JAKMIP3: variants seen among roughly 807,000 people sequenced by gnomAD.
JAKMIP3 encodes the protein janus kinase and microtubule-interacting protein 3.
Under a neutral mutation model 118.5 loss-of-function variants are expected in JAKMIP3, and 58 were observed. That is an observed-to-expected ratio of 0.49 (90% CI 0.40 to 0.61). The LOEUF (loss-of-function observed/expected upper bound fraction) is 0.61, where lower values mean the gene tolerates loss of function less well. Ranked by LOEUF, JAKMIP3 falls within the 20% of genes least tolerant of loss-of-function variation. The pLI is 0.00. For missense variants in JAKMIP3, 950 were observed against 1,109.0 expected (o/e 0.86, Z 2.04); for synonymous variants, 486 against 451.2 (o/e 1.08, Z -0.98).
chr10:132,066,508 T>A (rs953978797), intron 1 of JAKMIP3, among the ~76,000 whole-genome samples: 1 of 152,204 alleles, frequency 6.6e-6, no homozygotes, highest in African/African-American at 2.4e-5. Context: ...TCCGGGTGCT[T>A]CCTGGCTCCG....
intron 9 of JAKMIP3, among the ~76,000 whole-genome samples, chr10:132,139,130 GTGTGCATGTGTATGTGAGTA>G (rs2052579776): frequency 6.6e-6 from 1 of 151,802 alleles, no homozygotes; most frequent in African/African-American, 2.4e-5. Context: ...ATCTGTGTGT[GTGTGCATGTGTATGTGAGTA>G]TGAGTGTGTA....
chr10:132,150,223 C>G (rs933906957), intron 16 of JAKMIP3, among the ~76,000 whole-genome samples, 182 bp downstream of exon 16: 3 of 151,848 alleles, frequency 2.0e-5, no homozygotes, highest in Non-Finnish European at 4.4e-5. Flanking sequence ...CTCCAGGGCC[C>G]ACTGGGGCCT....
intron 20 of JAKMIP3, 28 bp downstream of exon 20, chr10:132,163,440 C>T (rs761607331): frequency 1.1e-4 from 168 of 1,565,288 alleles, no homozygotes; most frequent in Middle Eastern, 2.3e-4. Flanking sequence ...GCAGGGCTGG[C>T]GTGAAGACCT....
At position 132,168,013 on chromosome 10, in the gene JAKMIP3, C is replaced by G. The variant is rs142883148; in HGVS notation, c.*83C>G. 7.8e-7 allele frequency: 1 copy of G among 1,289,608 alleles called. No homozygotes were observed. The highest frequency in any genetic ancestry group is 1.0e-6 in the Non-Finnish European group (1 of 988,848). The allele number at this position is 1,289,608 out of a possible 1,614,324, so 79.9% of individuals were successfully genotyped here. A position where few individuals can be genotyped will look rare whatever the true frequency, so the allele number is the denominator to read the frequency against. On this transcript the variant is annotated 3_prime_UTR_variant, in exon 23 of 24. Transcript: ENST00000684848. ...ACCAGAAAGCAGGGACAAAATGGGA[C>G]GTCGCGTCTCCATCCTGAAGACCCA...
chr10:132,096,283 G>T (rs1027479474), intron 1 of JAKMIP3, among the ~76,000 whole-genome samples: 3 of 152,220 alleles, frequency 2.0e-5, no homozygotes, highest in African/African-American at 7.2e-5. Context: ...TTTATAGAGT[G>T]ATCGTTGCTG....
chr10:132,095,960 C>T (rs981681888), intron 1 of JAKMIP3, among the ~76,000 whole-genome samples: 3 of 152,078 alleles, frequency 2.0e-5, no homozygotes, highest in African/African-American at 4.8e-5. Flanking sequence ...TAGAATCCGC[C>T]GGCATACTGT....
intron 2 of JAKMIP3, among the ~76,000 whole-genome samples, chr10:132,106,924 C>T (rs1589826414): frequency 6.6e-6 from 1 of 152,268 alleles, no homozygotes; most frequent in Non-Finnish European, 1.5e-5. Context: ...TACTCTGTCA[C>T]CCTGTCTGGA....
At chr10:132,072,394 A>C (rs1314461298) in intron 1 of JAKMIP3, among the ~76,000 whole-genome samples, 1 of 152,050 alleles carries the variant, frequency 6.6e-6, no homozygotes, top group Non-Finnish European at 1.5e-5. Context: ...AAAATTAAAA[A>C]ATTAGCTGTA....
intron 1 of JAKMIP3, among the ~76,000 whole-genome samples, chr10:132,051,521 A>C (rs539428180): frequency 1.3e-5 from 2 of 151,060 alleles, no homozygotes; most frequent in Non-Finnish European, 2.9e-5. Flanking sequence ...ACATTTGTAC[A>C]CCTACTTTTG....
At chr10:132,166,056 G>A (rs2058866385) in intron 21 of JAKMIP3, among the ~76,000 whole-genome samples, 1 of 152,238 alleles carries the variant, frequency 6.6e-6, no homozygotes, top group Admixed American at 6.5e-5. Context: ...AGGCGTGGTG[G>A]CTCATGCCTG....
At chr10:132,066,369 T>C (rs1346172550) in intron 1 of JAKMIP3, among the ~76,000 whole-genome samples, 1 of 152,148 alleles carries the variant, frequency 6.6e-6, no homozygotes, top group East Asian at 1.9e-4. Flanking sequence ...AGCGGATGCT[T>C]GTTGGCACGG....
At chr10:132,159,361 T>A (rs1382370597) in intron 19 of JAKMIP3, among the ~76,000 whole-genome samples, 1 of 90,894 alleles carries the variant, frequency 1.1e-5, no homozygotes, top group Non-Finnish European at 2.1e-5. Flanking sequence ...CCTCTCCCTG[T>A]GTGATGCTGG....
intron 23 of JAKMIP3, among the ~76,000 whole-genome samples, chr10:132,175,080 C>T (rs1388312692): frequency 6.6e-6 from 1 of 152,134 alleles, no homozygotes; most frequent in Non-Finnish European, 1.5e-5. Flanking sequence ...CCTTGAGTGT[C>T]ATTTAAAGAG....
At chr10:132,081,000 T>C (rs1180341496) in intron 1 of JAKMIP3, among the ~76,000 whole-genome samples, 1 of 152,266 alleles carries the variant, frequency 6.6e-6, no homozygotes, top group Non-Finnish European at 1.5e-5. Flanking sequence ...GCCTCTGCAC[T>C]GATGTCATAT....
At chr10:132,163,534 G>A in intron 20 of JAKMIP3, 122 bp downstream of exon 20, 1 of 833,220 alleles carries the variant, frequency 1.2e-6, no homozygotes, top group East Asian at 2.7e-5. Context: ...ACCCTCCAGT[G>A]GCCACACCCC....
rs111516382 is a variant in JAKMIP3 at position 132,093,151 on chromosome 10, C to T, written c.-137-11521C>T. On this transcript the variant is annotated intron_variant, in intron 1 of 23. Coordinates refer to ENST00000684848, the MANE Select transcript of JAKMIP3 (RefSeq NM_001323087.2). Reference sequence around the variant, plus strand: ...GGAAGCTTCATCTCAGAGGGGTGCCCGGCCGTGTGAGGTGTCAGTCTGCCC... The same window carrying T: ...GGAAGCTTCATCTCAGAGGGGTGCCTGGCCGTGTGAGGTGTCAGTCTGCCC... Among the ~76,000 whole-genome samples the T allele has an allele frequency of 7.7e-3, 1,174 of 152,258 alleles. 13 individuals carry two copies. Among genetic ancestry groups the T allele is most frequent in the African/African-American group, 9.3e-3 (385 of 41,538 alleles).
intron 1 of JAKMIP3, among the ~76,000 whole-genome samples, chr10:132,086,673 G>C (rs986079477): frequency 6.6e-6 from 1 of 152,152 alleles, no homozygotes; most frequent in Non-Finnish European, 1.5e-5. Flanking sequence ...TATAAGAATA[G>C]CTACTCCTGC....
At chr10:132,082,774 CTAATTTTTA>C (rs2041941905) in intron 1 of JAKMIP3, among the ~76,000 whole-genome samples, 1 of 152,116 alleles carries the variant, frequency 6.6e-6, no homozygotes, top group Non-Finnish European at 1.5e-5. Context: ...CCATGCCCGG[CTAATTTTTA>C]TATTTTTAAT....
intron 9 of JAKMIP3, among the ~76,000 whole-genome samples, chr10:132,138,405 C>T (rs2052386695): frequency 7.2e-6 from 1 of 138,002 alleles, no homozygotes; most frequent in Non-Finnish European, 1.5e-5. Flanking sequence ...CGGGTGTGTG[C>T]GGAGAGGGGT....
Sources: gnomAD v4.1 joint callset for allele counts (sites outside exome capture counted in the v4.1 genomes callset) on GRCh38, gnomAD v4.1.1 for gene constraint, MANE v1.5 for transcripts, NCBI Gene and HGNC (gene_info 2026-07-23, HGNC 2026-07-21) for gene names.